The following CCNF variants were observed in gnomAD, a reference collection of about 807,000 sequenced individuals.
CCNF encodes cyclin F, also known as cyclin-F.
CCNF carries 30 observed loss-of-function variants against 85.4 expected under a neutral mutation model. That is an observed-to-expected ratio of 0.35 (90% confidence interval 0.26 to 0.48). CCNF has a LOEUF of 0.48. Among genes scored for constraint, CCNF ranks in the 20% least tolerant of loss-of-function variants. CCNF has a pLI of 0.99. For synonymous variants in CCNF, 439 were observed against 425.1 expected (o/e 1.03, Z -0.40); for missense variants, 919 against 1,010.4 (o/e 0.91, Z 1.23).
intron 8 of CCNF, among the ~76,000 whole-genome samples, chr16:2,441,981 A>ATATATATGTG (rs1322601122): frequency 1.6e-4 from 16 of 98,772 alleles, no homozygotes; most frequent in Non-Finnish European, 2.1e-4. Flanking sequence ...ATATATATAT[A>ATATATATGTG]TGTTTTTGTT....
intron 8 of CCNF, among the ~76,000 whole-genome samples, chr16:2,441,974 TATATA>T (rs2065324714): frequency 9.8e-5 from 13 of 132,496 alleles, no homozygotes; most frequent in South Asian, 2.4e-4. Flanking sequence ...TATATATATA[TATATA>T]TATGTTTTTG....
chr16:2,454,020 A>G (rs1596932092), intron 15 of CCNF, among the ~76,000 whole-genome samples: 1 of 151,330 alleles, frequency 6.6e-6, no homozygotes, highest in African/African-American at 2.4e-5. Flanking sequence ...TTTCTACCTC[A>G]CCCGCCTGGA....
chr16:2,455,133 C>T (rs568857990), intron 15 of CCNF, among the ~76,000 whole-genome samples: 93 of 151,484 alleles, frequency 6.1e-4, no homozygotes, highest in Non-Finnish European at 8.2e-4. Context: ...AGATGGTTGG[C>T]CCACGCCCCA....
intron 8 of CCNF, among the ~76,000 whole-genome samples, chr16:2,442,643 A>G (rs752251200): frequency 1.4e-4 from 1 of 7,122 alleles, no homozygotes; most frequent in Non-Finnish European, 1.8e-4. Context: ...TATATAATAT[A>G]ATATTATTAT....
Position 2,455,708 on chromosome 16 carries a change from C to T in CCNF, c.1885+144C>T, listed in dbSNP as rs138243657. The stretch of plus-strand genomic sequence containing the variant: ...GGGGTGGGGCCAGCTCCTGCCCCGC[C>T]GGGGAGTGTGTCCAGACATGGGGAG... On this transcript the variant is annotated intron_variant, in intron 16 of 16. Transcript: ENST00000397066. 9.1e-4 allele frequency: 1,216 copies of T among 1,336,696 alleles called. 5 individuals are homozygous for T. In the African/African-American group the frequency reaches 0.011, roughly 12 times the overall value. 82.8% of individuals were successfully genotyped at this position (1,336,696 alleles called of 1,614,324 possible).
Position 2,451,831 on chromosome 16 carries a change from C to T in CCNF, c.1488-1379C>T, listed in dbSNP as rs575031304. On this transcript the variant is annotated intron_variant, in intron 13 of 16. Coordinates refer to ENST00000397066, the MANE Select transcript of CCNF (RefSeq NM_001761.3). This position sits in a 1 kb window ranked among gnomAD's most constrained non-coding sequence, Gnocchi z 4.3. Reference sequence around the variant, plus strand: ...CCTTCCCACCCACCCCAAGGGGCCCCGGAATTCTGGCTTTCTGCCACTCCT... The same window carrying T: ...CCTTCCCACCCACCCCAAGGGGCCCTGGAATTCTGGCTTTCTGCCACTCCT... 9.7e-4 allele frequency among the ~76,000 whole-genome samples: 147 copies of T among 152,298 alleles called. 1 individual carries two copies. The highest frequency in any genetic ancestry group is 3.3e-3 in the African/African-American group (139 of 41,574).
Position 2,437,212 on chromosome 16 carries a change from GGTGCCGCAC to G in CCNF, c.431_439del (p.Gly144_Pro147delinsAla). On this transcript the variant is annotated inframe_deletion, in exon 5 of 17. Transcript: ENST00000397066. ...CAGTCTCGCTGAGCGGCTGAATGTG[GGTGCCGCAC>G]CTTTCATCTGGCTCTTCATCCGCCC... 6.2e-7 allele frequency: 1 copy of G among 1,612,956 alleles called. No homozygotes were observed. Among genetic ancestry groups the G allele is most frequent in the Non-Finnish European group, 8.5e-7 (1 of 1,179,436 alleles).
At chr16:2,442,936 T>C (rs1221143550) in intron 8 of CCNF, among the ~76,000 whole-genome samples, 7 of 40,944 alleles carry the variant, frequency 1.7e-4, no homozygotes, top group Non-Finnish European at 2.1e-4. Flanking sequence ...TATATGATTA[T>C]TATATATTAT....
Position 2,453,600 on chromosome 16 carries a change from C to T in CCNF, c.1715+63C>T, listed in dbSNP as rs541431976. 1.2e-6 allele frequency: 2 copies of T among 1,601,328 alleles called. No homozygotes were observed. Among genetic ancestry groups the T allele is most frequent in the Admixed American group, 1.7e-5 (1 of 59,732 alleles). The stretch of plus-strand genomic sequence containing the variant: ...TGGCATCCTCGTGCCGGCCCAGTTC[C>T]CTCAGCGCTTCCTCACACAGAGAGG... On this transcript the variant is annotated intron_variant, in intron 15 of 16. Coordinates refer to ENST00000397066, the MANE Select transcript of CCNF (RefSeq NM_001761.3). The surrounding 1 kb of genome is among the most constrained non-coding windows in gnomAD (Gnocchi z 5.6).
chr16:2,435,730 C>T, intron 3 of CCNF, 76 bp from the exon 4 acceptor site: 2 of 881,524 alleles, frequency 2.3e-6, no homozygotes, highest in Non-Finnish European at 1.9e-6. Context: ...AGTATTCTGA[C>T]TTCTTCAAGT....
intron 1 of CCNF, 57 bp downstream of exon 1, chr16:2,429,554 C>A (rs2065252279): frequency 1.6e-6 from 2 of 1,221,932 alleles, no homozygotes; most frequent in Non-Finnish European, 2.0e-6. Context: ...GCCTGCCCTG[C>A]GGGGCGGACG....
chr16:2,443,544 C>T (rs1039699003), intron 8 of CCNF, 105 bp from the exon 9 acceptor site: 2 of 1,050,268 alleles, frequency 1.9e-6, no homozygotes, highest in African/African-American at 1.6e-5. Context: ...TTAAGTAGGG[C>T]AGTGTGTCCA....
In CCNF at chr16:2,443,924, C is replaced by CT. The variant is rs35258963; in HGVS notation, c.929+137dup. ...GGCGGCATAGAGTTCCCTTATCACCCTTTTTTTTTTTTTGAAGTGGAGTCT... is the reference window on the plus strand; with the variant it reads ...GGCGGCATAGAGTTCCCTTATCACCCTTTTTTTTTTTTTTGAAGTGGAGTCT... On this transcript the variant is annotated intron_variant, in intron 9 of 16. Transcript: ENST00000397066. 0.5 allele frequency: 286,169 copies of CT among 567,814 alleles called. 43,899 individuals are homozygous for CT. Among genetic ancestry groups the CT allele is most frequent in the African/African-American group, 0.83 (40,340 of 48,868 alleles). 35.2% of individuals were successfully genotyped at this position (567,814 alleles called of 1,614,324 possible).
rs903626516 is a variant in CCNF, at chr16:2,451,962, G to A, written c.1488-1248G>A. On this transcript the variant is annotated intron_variant, in intron 13 of 16. Transcript: ENST00000397066. The surrounding 1 kb of genome is among the most constrained non-coding windows in gnomAD (Gnocchi z 4.3). ...TGACTCAGCCAACGGCCTGTTGCCT[G>A]TTCTGGCCCTGGTGGGTCGTGGTGC... Among the ~76,000 whole-genome samples the A allele has an allele frequency of 6.6e-6, 1 of 152,238 alleles. No homozygotes were observed. The highest frequency in any genetic ancestry group is 6.5e-5 in the Admixed American group (1 of 15,290).
At chr16:2,436,468 A>G (rs894864294) in intron 4 of CCNF, 1 of 152,178 alleles carries the variant, frequency 6.6e-6, no homozygotes, top group African/African-American at 2.4e-5. Flanking sequence ...ACAAGTAAAC[A>G]CTGGGATGTA....
At chr16:2,438,430 C>T (rs763031135) in intron 6 of CCNF, among the ~76,000 whole-genome samples, 4 of 152,158 alleles carry the variant, frequency 2.6e-5, no homozygotes, top group African/African-American at 9.7e-5. Flanking sequence ...CTCTCCTGCT[C>T]GTGTGGACCT....
Position 2,443,685 on chromosome 16 carries a change from C to G in CCNF, c.814C>G (p.Leu272Val). The G allele has an allele frequency of 6.2e-7, 1 of 1,614,188 alleles. No individual in the cohort carries two copies. Among genetic ancestry groups the G allele is most frequent in the South Asian group, 1.1e-5 (1 of 91,084 alleles). Residue 272 changes from leucine (L) to valine (V), a missense_variant, in exon 9 of 17, where the codon CTT (leucine) becomes GTT (valine). By Grantham distance (32) the Leu-to-Val change is conservative. Around this residue, in one of 3 missense-constraint regions of CCNF, gnomAD observed 410 missense variants for 478.6 expected, o/e 0.86. Coordinates refer to ENST00000397066, the MANE Select transcript of CCNF (RefSeq NM_001761.3). ...LAKACANANQ[L>V]GLEVRASSEI... ...CAAAGCCTGTGCAAATGCAAACCAG[C>G]TTGGACTGGAGGTGAGAGCTTCCAG...
At chr16:2,437,034 C>A in intron 4 of CCNF, 95 bp from the exon 5 acceptor site, 1 of 1,077,028 alleles carries the variant, frequency 9.3e-7, no homozygotes, top group Non-Finnish European at 1.3e-6. Context: ...CTATGGTGGG[C>A]TTCAGGCATT....
intron 8 of CCNF, among the ~76,000 whole-genome samples, chr16:2,441,736 A>C (rs1307937894): frequency 6.6e-6 from 1 of 150,760 alleles, no homozygotes; most frequent in Non-Finnish European, 1.5e-5. Flanking sequence ...AGGCTGGTCT[A>C]AAACTCCTGA....
Sources: allele counts gnomAD v4.1 joint callset (sites outside exome capture counted in the v4.1 genomes callset), GRCh38; gene constraint gnomAD v4.1.1; regional missense constraint gnomAD v4.1.1; non-coding constraint Gnocchi (gnomAD v3.1); transcripts MANE v1.5; gene names NCBI Gene and HGNC (gene_info 2026-07-23, HGNC 2026-07-21).